AK9: variants seen among roughly 807,000 people sequenced by gnomAD.
AK9 encodes the protein adenylate kinase domain containing 1.
AK9 carries 191 observed loss-of-function variants against 239.6 expected under a neutral mutation model. The ratio of observed to expected loss-of-function variants is 0.80; its 90% CI spans 0.71 to 0.90. The LOEUF (loss-of-function observed/expected upper bound fraction) is 0.90. Ranked by LOEUF, AK9 falls within the 40% of genes least tolerant of loss-of-function variation. The pLI, the probability that AK9 is intolerant of heterozygous loss-of-function variation, is 0.00. For missense variants in AK9, 1,995 were observed against 2,214.7 expected, an observed-to-expected ratio of 0.90 and a Z score of 1.99; for synonymous variants, 689 against 721.0, an observed-to-expected ratio of 0.96 and a Z score of 0.71.
chr6:109,661,644 G>C (rs1172086423), intron 6 of AK9, among the ~76,000 whole-genome samples: 1 of 152,130 alleles, frequency 6.6e-6, no homozygotes, highest in Non-Finnish European at 1.5e-5. Context: ...GTGGTGGCTG[G>C]GGCTGCAGAT....
chr6:109,553,988 T>C (rs1227383210), intron 24 of AK9, among the ~76,000 whole-genome samples: 1 of 152,230 alleles, frequency 6.6e-6, no homozygotes, highest in Non-Finnish European at 1.5e-5. Context: ...GTTCTGTTTA[T>C]GTGATGGATT....
At chr6:109,497,078 A>G (rs966027874) in intron 38 of AK9, among the ~76,000 whole-genome samples, 1 of 152,056 alleles carries the variant, frequency 6.6e-6, no homozygotes, top group African/African-American at 2.4e-5. Flanking sequence ...ACAGTTCAGG[A>G]ATACCCTAGA....
chr6:109,668,236 T>G (rs946417442), intron 5 of AK9, among the ~76,000 whole-genome samples: 1 of 152,026 alleles, frequency 6.6e-6, no homozygotes, highest in South Asian at 2.1e-4. Context: ...TTGCCCACTT[T>G]TTGATGGGGT....
intron 10 of AK9, among the ~76,000 whole-genome samples, chr6:109,634,515 T>C (rs1796488257): frequency 6.6e-6 from 1 of 152,186 alleles, no homozygotes; most frequent in African/African-American, 2.4e-5. Flanking sequence ...ACACATGATA[T>C]ATGCTTGCTT....
intron 26 of AK9, among the ~76,000 whole-genome samples, chr6:109,544,492 T>A (rs750142774): frequency 6.6e-6 from 1 of 152,144 alleles, no homozygotes. Flanking sequence ...ATGACGGTAG[T>A]GAGTGAGTGC....
intron 8 of AK9, among the ~76,000 whole-genome samples, chr6:109,653,637 A>T: frequency 1.3e-5 from 2 of 150,444 alleles, no homozygotes; most frequent in South Asian, 2.1e-4. Context: ...TCAAATATAT[A>T]TTTTCATTAC....
intron 29 of AK9, chr6:109,528,657 G>A (rs768776373): frequency 6.7e-5 from 31 of 465,178 alleles, no homozygotes; most frequent in Admixed American, 2.8e-4. Flanking sequence ...TCCTCTGTAC[G>A]GAAGTCCAGC....
intron 12 of AK9, among the ~76,000 whole-genome samples, chr6:109,622,453 TATA>T (rs1305106051): frequency 7.0e-6 from 1 of 142,892 alleles, no homozygotes; most frequent in Admixed American, 7.2e-5. Context: ...TACATCAATG[TATA>T]ATATAATATT....
chr6:109,545,985 T>C lies in AK9; in HGVS notation c.3107A>G (p.Lys1036Arg), dbSNP rs750799637. 1 of 1,614,198 alleles carries C rather than the reference T, an allele frequency of 6.2e-7. No individual in the cohort carries two copies. Among genetic ancestry groups the C allele is most frequent in the Admixed American group, 1.7e-5 (1 of 60,024 alleles). The change falls in exon 26 of 41, where the codon AAG (lysine) becomes AGG (arginine). Residue 1036 changes from lysine (K) to arginine (R), a missense_variant. By Grantham distance (26) the Lys-to-Arg change is conservative. This residue lies in a region of AK9 where 1,290 missense variants were observed against 1,392.7 expected (regional missense o/e 0.93). Coordinates refer to ENST00000424296, the MANE Select transcript of AK9 (RefSeq NM_001145128.3). The stretch of plus-strand genomic sequence containing the variant: ...TTCCTCAAATTCAGGTCCCACTTTC[T>C]TTTCAGTTTTGAGTAGTAGTTTTTC... ...LQEKLLLKTE[K>R]KVGPEFEEDS...
chr6:109,548,772 GA>G (rs1393923413), intron 25 of AK9, among the ~76,000 whole-genome samples: 1 of 152,174 alleles, frequency 6.6e-6, no homozygotes, highest in Non-Finnish European at 1.5e-5. Context: ...GCTTTCGATG[GA>G]AATTTTAAAC....
intron 28 of AK9, 70 bp from the exon 29 acceptor site, chr6:109,529,143 AT>A: frequency 6.9e-7 from 1 of 1,453,188 alleles, no homozygotes; most frequent in Non-Finnish European, 9.1e-7. Flanking sequence ...GTATTCATAT[AT>A]TTTTATATAA....
At chr6:109,563,955 A>G in intron 23 of AK9, 125 bp downstream of exon 23, 1 of 1,107,046 alleles carries the variant, frequency 9.0e-7, no homozygotes, top group Non-Finnish European at 1.3e-6. Flanking sequence ...TAAGTATTTT[A>G]TACATCAGCC....
At chr6:109,645,465 C>T (rs1297220245) in intron 8 of AK9, among the ~76,000 whole-genome samples, 2 of 152,240 alleles carry the variant, frequency 1.3e-5, no homozygotes, top group Non-Finnish European at 2.9e-5. Flanking sequence ...GCTAGCACAG[C>T]AGTCCAAGAT....
intron 17 of AK9, among the ~76,000 whole-genome samples, chr6:109,604,827 T>C (rs887843869): frequency 6.6e-6 from 1 of 152,172 alleles, no homozygotes; most frequent in African/African-American, 2.4e-5. Context: ...AGAATTTATG[T>C]CTCTATTTAT....
chr6:109,623,108 GTTTGA>G (rs1795072650), intron 12 of AK9, among the ~76,000 whole-genome samples: 1 of 151,784 alleles, frequency 6.6e-6, no homozygotes, highest in Non-Finnish European at 1.5e-5. Context: ...TGAATTGCCT[GTTTGA>G]TTTTTTTTTC....
At chr6:109,501,348 T>C (rs1335402386) in intron 35 of AK9, among the ~76,000 whole-genome samples, 1 of 152,112 alleles carries the variant, frequency 6.6e-6, no homozygotes, top group African/African-American at 2.4e-5. Context: ...CCAACTACCA[T>C]TTCCACTCTT....
chr6:109,674,081 C>T (rs568116216), intron 3 of AK9, 117 bp downstream of exon 3: 105 of 659,166 alleles, frequency 1.6e-4, no homozygotes, highest in African/African-American at 1.5e-3. Context: ...TATAGCAAAA[C>T]GTTAATCACA....
chr6:109,526,911 TG>T, intron 29 of AK9, among the ~76,000 whole-genome samples: 1 of 152,328 alleles, frequency 6.6e-6, no homozygotes, highest in Non-Finnish European at 1.5e-5. Context: ...GCTTGGTACT[TG>T]GTCCAGACCC....
rs2128113714 is a variant in AK9 at position 109,514,349 on chromosome 6, G to C, written c.4154C>G (p.Ser1385Cys). The C allele has an allele frequency of 6.4e-7, 1 of 1,550,882 alleles. No individual in the cohort carries two copies. Among genetic ancestry groups the C allele is most frequent in the Non-Finnish European group, 8.7e-7 (1 of 1,146,592 alleles). Residue 1385 changes from serine to cysteine, a missense_variant, in exon 32 of 41, where the codon TCT becomes TGT. Coordinates refer to ENST00000424296, the MANE Select transcript of AK9 (RefSeq NM_001145128.3). Reference sequence around the variant, plus strand: ...AAATTTTTCTTTTGTTTCTTTACTAGATAAAAAATAAATATACTGACGATG... The same window carrying C: ...AAATTTTTCTTTTGTTTCTTTACTACATAAAAAATAAATATACTGACGATG... Reference protein sequence around the residue: ...VIHRQYIYFLSSKETKEKFMK... With the variant: ...VIHRQYIYFLCSKETKEKFMK...
Sources: gnomAD v4.1 joint callset for allele counts (sites outside exome capture counted in the v4.1 genomes callset) on GRCh38, gnomAD v4.1.1 for gene constraint, gnomAD v4.1.1 regional missense constraint, MANE v1.5 for transcripts, NCBI Gene and HGNC (gene_info 2026-07-23, HGNC 2026-07-21) for gene names.